Variants in CNTNAP2 observed in about 807,000 individuals in gnomAD.
The protein encoded by CNTNAP2 is contactin-associated protein-like 2.
A neutral mutation model predicts 155.2 loss-of-function variants in CNTNAP2; 98 were observed. The ratio of observed to expected loss-of-function variants is 0.63; its 90% confidence interval spans 0.54 to 0.75. The LOEUF is 0.75. Among genes scored for constraint, CNTNAP2 ranks in the 30% least tolerant of loss-of-function variants. The pLI, the probability that CNTNAP2 is intolerant of heterozygous loss-of-function variation, is 0.00. For synonymous variants in CNTNAP2, 651 were observed against 631.2 expected, an observed-to-expected ratio of 1.03 and a Z score of -0.47; for missense variants, 1,727 against 1,688.1, an observed-to-expected ratio of 1.02 and a Z score of -0.40.
At chr7:146,979,390 T>C (rs903676324) in intron 3 of CNTNAP2, among the ~76,000 whole-genome samples, 5 of 152,202 alleles carry the variant, frequency 3.3e-5, no homozygotes, top group African/African-American at 1.2e-4. Flanking sequence ...TATGGCTGGC[T>C]CCTTCTTATT....
At chr7:147,334,964 C>T (rs1795641225) in intron 9 of CNTNAP2, among the ~76,000 whole-genome samples, 1 of 152,162 alleles carries the variant, frequency 6.6e-6, no homozygotes, top group Admixed American at 6.6e-5. Flanking sequence ...ACAATAATCT[C>T]ACAGAGTACC....
intron 1 of CNTNAP2, among the ~76,000 whole-genome samples, chr7:146,659,080 T>A (rs1186729978): frequency 6.6e-6 from 1 of 152,176 alleles, no homozygotes; most frequent in Non-Finnish European, 1.5e-5. Context: ...ATCCCTTGTT[T>A]ATTCTCTGGG....
intron 12 of CNTNAP2, among the ~76,000 whole-genome samples, chr7:147,610,939 C>A (rs763208547): frequency 1.3e-5 from 2 of 151,910 alleles, no homozygotes; most frequent in Non-Finnish European, 2.9e-5. Context: ...AGAGTTTTGC[C>A]GTGTTGCCCA....
chr7:146,782,640 C>G (rs2129187428), intron 2 of CNTNAP2, among the ~76,000 whole-genome samples: 1 of 152,222 alleles, frequency 6.6e-6, no homozygotes, highest in Admixed American at 6.5e-5. Flanking sequence ...GAACTTTTGA[C>G]AGTGAAAGAG....
intron 21 of CNTNAP2, among the ~76,000 whole-genome samples, chr7:148,299,419 A>G (rs1420831698): frequency 6.6e-6 from 1 of 152,250 alleles, no homozygotes; most frequent in Non-Finnish European, 1.5e-5. Context: ...GGACCAGAGA[A>G]AGTTCTGATG....
intron 1 of CNTNAP2, among the ~76,000 whole-genome samples, chr7:146,588,002 G>GTT (rs1354184308): frequency 1.5e-5 from 2 of 132,438 alleles, no homozygotes; most frequent in African/African-American, 3.3e-5. Context: ...CAAACCGTGT[G>GTT]TGTATGTGTG....
chr7:147,244,550 G>A (rs1470783262), intron 8 of CNTNAP2, among the ~76,000 whole-genome samples: 1 of 152,116 alleles, frequency 6.6e-6, no homozygotes, highest in Non-Finnish European at 1.5e-5. Flanking sequence ...TAAATGCCAG[G>A]CACCAGTTTA....
chr7:147,145,610 C>T (rs1801687064), intron 8 of CNTNAP2, among the ~76,000 whole-genome samples: 2 of 152,116 alleles, frequency 1.3e-5, no homozygotes, highest in African/African-American at 4.8e-5. Flanking sequence ...TACTGAATAA[C>T]AAGTTAACAC....
At chr7:146,613,732 T>A (rs1338542320) in intron 1 of CNTNAP2, among the ~76,000 whole-genome samples, 1 of 152,168 alleles carries the variant, frequency 6.6e-6, no homozygotes, top group Admixed American at 6.5e-5. Flanking sequence ...ACATTTCAAA[T>A]GCTTGATAGT....
chr7:146,204,073 G>A (rs1234200457), intron 1 of CNTNAP2, among the ~76,000 whole-genome samples: 3 of 151,966 alleles, frequency 2.0e-5, no homozygotes, highest in African/African-American at 7.3e-5. Flanking sequence ...ATCAACTCAA[G>A]GACTTCCTTT....
At chr7:146,641,191 G>A (rs1296572148) in intron 1 of CNTNAP2, among the ~76,000 whole-genome samples, 2 of 152,254 alleles carry the variant, frequency 1.3e-5, no homozygotes, top group Admixed American at 6.5e-5. Flanking sequence ...GCCAGGCATG[G>A]TGGCGGGGGC....
At chr7:147,033,416 A>G (rs1372162000) in intron 3 of CNTNAP2, among the ~76,000 whole-genome samples, 1 of 151,666 alleles carries the variant, frequency 6.6e-6, no homozygotes, top group Non-Finnish European at 1.5e-5. Context: ...GCCACATTAC[A>G]TAATTATAAC....
intron 1 of CNTNAP2, among the ~76,000 whole-genome samples, chr7:146,432,169 A>G (rs1436544296): frequency 6.6e-6 from 1 of 152,170 alleles, no homozygotes; most frequent in East Asian, 1.9e-4. Context: ...TTACTCATTG[A>G]TGTAGAAACA....
chr7:146,708,587 G>GTTTTTTTTTT (rs1377602688), intron 1 of CNTNAP2, among the ~76,000 whole-genome samples: 1 of 67,388 alleles, frequency 1.5e-5, no homozygotes, highest in African/African-American at 9.6e-5. Context: ...AAAAAAAAGT[G>GTTTTTTTTTT]ATTTTTTTTT....
chr7:147,567,776 C>T (rs151039066), intron 12 of CNTNAP2, among the ~76,000 whole-genome samples: 4 of 152,128 alleles, frequency 2.6e-5, no homozygotes, highest in Admixed American at 2.6e-4. Flanking sequence ...CACTGTAGGA[C>T]CTTGAACACA....
At chr7:148,155,553 C>T (rs1359189398) in intron 17 of CNTNAP2, among the ~76,000 whole-genome samples, 1 of 152,068 alleles carries the variant, frequency 6.6e-6, no homozygotes, top group African/African-American at 2.4e-5. Context: ...AGTTAGGCTC[C>T]CACCCTCCCG....
intron 1 of CNTNAP2, among the ~76,000 whole-genome samples, chr7:146,419,005 T>C (rs1795974315): frequency 6.6e-6 from 1 of 152,138 alleles, no homozygotes; most frequent in Non-Finnish European, 1.5e-5. Flanking sequence ...TCTAGCCTTT[T>C]GTATTTGTCC....
At chr7:147,963,137 G>T (rs1364580095) in intron 14 of CNTNAP2, among the ~76,000 whole-genome samples, 4 of 152,092 alleles carry the variant, frequency 2.6e-5, no homozygotes, top group Non-Finnish European at 5.9e-5. Flanking sequence ...TCACATTGCA[G>T]TAAAGAGGAC....
intron 2 of CNTNAP2, among the ~76,000 whole-genome samples, chr7:146,812,440 T>A (rs1413146773): frequency 7.2e-5 from 10 of 139,502 alleles, no homozygotes; most frequent in Admixed American, 7.0e-4. Flanking sequence ...TATATATATA[T>A]AAAAAATATA....
Sources: gnomAD v4.1 joint callset for allele counts (sites outside exome capture counted in the v4.1 genomes callset) on GRCh38, gnomAD v4.1.1 for gene constraint, MANE v1.5 for transcripts, NCBI Gene and HGNC (gene_info 2026-07-23, HGNC 2026-07-21) for gene names.